The following MAP7 variants were observed in gnomAD, a reference collection of about 807,000 sequenced individuals.
The protein encoded by MAP7 is microtubule associated protein 7, also known as ensconsin.
In MAP7, 52 loss-of-function variants were observed where a neutral mutation model predicts 94.8. The observed-to-expected ratio is 0.55, with a 90% CI of 0.44 to 0.69. The LOEUF is 0.69. Among genes scored for constraint, MAP7 ranks in the 30% least tolerant of loss-of-function variants. The pLI, the probability that MAP7 is intolerant of heterozygous loss-of-function variation, is 0.00. For synonymous variants in MAP7, 350 were observed against 357.0 expected, an observed-to-expected ratio of 0.98 and a Z score of 0.22; for missense variants, 940 against 964.6, an observed-to-expected ratio of 0.97 and a Z score of 0.34.
At chr6:136,370,252 C>CA (rs1050108875) in intron 8 of MAP7, among the ~76,000 whole-genome samples, 4 of 152,124 alleles carry the variant, frequency 2.6e-5, no homozygotes, top group African/African-American at 9.7e-5. Context: ...TGGCTGTTAT[C>CA]AAAAAACAAG....
chr6:136,478,992 A>G lies in MAP7; in HGVS notation c.68-57193T>C, dbSNP rs560691260. On this transcript the variant is annotated intron_variant, in intron 1 of 17. Coordinates refer to ENST00000354570, the MANE Select transcript of MAP7 (RefSeq NM_003980.6). ...AAACAGACACATCAAAAAAAAAAAAAAAAGAAAGAAAGAAAAGAAAAAGAA... is the reference window on the plus strand; with the variant it reads ...AAACAGACACATCAAAAAAAAAAAAGAAAGAAAGAAAGAAAAGAAAAAGAA... 1.9e-4 allele frequency among the ~76,000 whole-genome samples: 28 copies of G among 147,640 alleles called. No homozygotes were observed. In the East Asian group the frequency reaches 4.9e-3, roughly 26 times the overall value.
In MAP7 at chr6:136,360,736, ATGCTTCTCTCGTTCCTGCCGGACCCTCTC is replaced by A; in HGVS notation, c.1735_1763del (p.Glu579PhefsTer16). On this transcript the variant is annotated frameshift_variant, in exon 13 of 18. Coordinates refer to ENST00000354570, the MANE Select transcript of MAP7 (RefSeq NM_003980.6). LOFTEE classifies it high-confidence loss of function. ...GGCGCTCTTGCTCTTCTCTCTGGAA[ATGCTTCTCTCGTTCCTGCCGGACCCTCTC>A]TGCTTCTTCACGAACGCGAGCTTCT... 2 of 1,614,124 alleles carry A rather than the reference ATGCTTCTCTCGTTCCTGCCGGACCCTCTC, an allele frequency of 1.2e-6. No individual in the cohort carries two copies. Among genetic ancestry groups the A allele is most frequent in the Non-Finnish European group, 1.7e-6 (2 of 1,180,016 alleles).
intron 2 of MAP7, chr6:136,419,848 C>T: frequency 2.5e-6 from 1 of 394,974 alleles, no homozygotes. Context: ...CTTTTTACTT[C>T]AGTTTTTGTC....
chr6:136,365,942 C>G lies in MAP7; in HGVS notation c.1066G>C (p.Ala356Pro). ...GGGGGCCGGACCTGAGCAGGAGCAG[C>G]TTTGACTGAGCCGGGTGGCAAGGAG... Reference protein sequence around the residue: ...TSSLPPGSVKAAPAQVRPPSP... With the variant: ...TSSLPPGSVKPAPAQVRPPSP... Residue 356 changes from alanine (A) to proline (P), a missense_variant, in exon 10 of 18, where the codon GCT becomes CCT. Transcript: ENST00000354570. 6.2e-7 allele frequency: 1 copy of G among 1,614,044 alleles called. No individual in the cohort carries two copies. Among genetic ancestry groups the G allele is most frequent in the Non-Finnish European group, 8.5e-7 (1 of 1,180,034 alleles).
chr6:136,528,515 C>T (rs1828209151), intron 1 of MAP7, among the ~76,000 whole-genome samples: 1 of 151,926 alleles, frequency 6.6e-6, no homozygotes, highest in Non-Finnish European at 1.5e-5. Flanking sequence ...TCAGTATTTA[C>T]AATAGCAAAA....
chr6:136,508,398 T>A (rs1822231907), intron 1 of MAP7, among the ~76,000 whole-genome samples: 1 of 152,214 alleles, frequency 6.6e-6, no homozygotes. Flanking sequence ...CACATCATTA[T>A]GAGTCCTGAA....
chr6:136,395,165 C>T (rs534102462), intron 3 of MAP7, among the ~76,000 whole-genome samples: 98 of 151,290 alleles, frequency 6.5e-4, no homozygotes, highest in African/African-American at 2.2e-3. Flanking sequence ...ATAGCGGCTA[C>T]ACTAATTTAC....
rs373754692 is a variant in MAP7, at chr6:136,381,919, C to CACACACACACACACAGAG, written c.637+1751_637+1752insCTCTGTGTGTGTGTGTGT. Among the ~76,000 whole-genome samples the CACACACACACACACAGAG allele has an allele frequency of 4.3e-3, 447 of 103,014 alleles. 3 individuals are homozygous for CACACACACACACACAGAG. The highest frequency in any genetic ancestry group is 7.0e-3 in the Non-Finnish European group (360 of 51,640). 67.6% of individuals were successfully genotyped at this position (103,014 alleles called of 152,430 possible). A position where few individuals can be genotyped will look rare whatever the true frequency, so the allele number is the denominator to read the frequency against. ...ACACACACACACACACACACACACA[C>CACACACACACACACAGAG]AGAGAGAGAGAGAGAGAATGCATGG... On this transcript the variant is annotated intron_variant, in intron 6 of 17. Transcript: ENST00000354570.
At chr6:136,491,263 T>G (rs769265084) in intron 1 of MAP7, among the ~76,000 whole-genome samples, 1 of 152,218 alleles carries the variant, frequency 6.6e-6, no homozygotes, top group African/African-American at 2.4e-5. Flanking sequence ...GAAATTGTCA[T>G]GTTAGGTCAA....
chr6:136,359,953 A>G, intron 14 of MAP7, 28 bp downstream of exon 14: 1 of 1,611,204 alleles, frequency 6.2e-7, no homozygotes, highest in South Asian at 1.1e-5. Flanking sequence ...AGCATACAAA[A>G]GTAGTTAGAA....
chr6:136,377,266 G>A (rs1306416893), intron 7 of MAP7, among the ~76,000 whole-genome samples: 6 of 152,144 alleles, frequency 3.9e-5, no homozygotes, highest in East Asian at 3.9e-4. Context: ...GAGAGTTCTG[G>A]AAGGGTACAA....
intron 1 of MAP7, among the ~76,000 whole-genome samples, chr6:136,483,327 A>G (rs1170895164): frequency 6.6e-6 from 1 of 152,022 alleles, no homozygotes; most frequent in Non-Finnish European, 1.5e-5. Flanking sequence ...ATGGACACCA[A>G]GAAGGGAACA....
At chr6:136,428,899 A>G (rs556339786) in intron 1 of MAP7, among the ~76,000 whole-genome samples, 29 of 152,334 alleles carry the variant, frequency 1.9e-4, no homozygotes, top group African/African-American at 7.0e-4. Context: ...TCTGATGTGA[A>G]GTAGACGTGA....
chr6:136,347,827 A>G (rs531170138), intron 16 of MAP7, among the ~76,000 whole-genome samples: 24 of 152,328 alleles, frequency 1.6e-4, no homozygotes, highest in Admixed American at 1.3e-3. Flanking sequence ...TACGGAAAAA[A>G]TGAAGATGCC....
intron 1 of MAP7, among the ~76,000 whole-genome samples, chr6:136,511,402 C>T (rs1172757587): frequency 6.6e-6 from 1 of 152,150 alleles, no homozygotes; most frequent in Non-Finnish European, 1.5e-5. Flanking sequence ...ATCCTAATAT[C>T]TCAGTTGCCA....
At chr6:136,380,143 T>G (rs1190044602) in intron 6 of MAP7, among the ~76,000 whole-genome samples, 1 of 152,176 alleles carries the variant, frequency 6.6e-6, no homozygotes, top group Non-Finnish European at 1.5e-5. Context: ...AATTGAGATA[T>G]TGACAATTTC....
At chr6:136,430,852 A>C (rs749290028) in intron 1 of MAP7, among the ~76,000 whole-genome samples, 20 of 152,110 alleles carry the variant, frequency 1.3e-4, no homozygotes, top group Non-Finnish European at 2.5e-4. Context: ...TTTTAGGCTT[A>C]CAGCACAATT....
chr6:136,449,786 A>G, intron 1 of MAP7, among the ~76,000 whole-genome samples: 1 of 152,370 alleles, frequency 6.6e-6, no homozygotes, highest in East Asian at 1.9e-4. Context: ...CAACGATTGC[A>G]CTGATGAACT....
At chr6:136,511,007 G>A (rs1823107862) in intron 1 of MAP7, among the ~76,000 whole-genome samples, 1 of 152,072 alleles carries the variant, frequency 6.6e-6, no homozygotes. Context: ...ACAAGTCCCA[G>A]CATAAACCCA....
Sources: gnomAD v4.1 joint callset for allele counts (sites outside exome capture counted in the v4.1 genomes callset) on GRCh38, gnomAD v4.1.1 for gene constraint, MANE v1.5 for transcripts, NCBI Gene and HGNC (gene_info 2026-07-23, HGNC 2026-07-21) for gene names.